The following STK10 variants were observed in gnomAD, a reference collection of about 807,000 sequenced individuals.
STK10 encodes the protein serine/threonine kinase 10, also known as serine/threonine-protein kinase 10.
A neutral mutation model predicts 113.8 loss-of-function variants in STK10; 78 were observed. The observed-to-expected ratio is 0.69, with a 90% confidence interval of 0.57 to 0.83. The LOEUF (loss-of-function observed/expected upper bound fraction) is 0.83. Ranked by LOEUF, STK10 falls within the 40% of genes least tolerant of loss-of-function variation. The pLI, the probability that STK10 is intolerant of heterozygous loss-of-function variation, is 0.00. For missense variants in STK10, 1,109 were observed against 1,280.1 expected (o/e 0.87, Z 2.04); for synonymous variants, 465 against 494.7 (o/e 0.94, Z 0.80).
intron 1 of STK10, among the ~76,000 whole-genome samples, chr5:172,180,248 G>C (rs1341477465): frequency 1.3e-5 from 2 of 152,184 alleles, no homozygotes; most frequent in African/African-American, 2.4e-5. Flanking sequence ...CAGATCACCA[G>C]AAGTCAGGAG....
At chr5:172,112,225 AATG>A (rs1206983262) in intron 4 of STK10, among the ~76,000 whole-genome samples, 6 of 152,200 alleles carry the variant, frequency 3.9e-5, no homozygotes. Flanking sequence ...TGATTCCAGA[AATG>A]ATCCAAGTGC....
chr5:172,078,977 ACACG>A (rs933860378), intron 12 of STK10, among the ~76,000 whole-genome samples: 5 of 149,590 alleles, frequency 3.3e-5, no homozygotes, highest in Non-Finnish European at 5.9e-5. Flanking sequence ...ACACACACAC[ACACG>A]GTGTGCACAT....
chr5:172,156,757 GCAGC>G lies in STK10; in HGVS notation c.184_187del (p.Ala62ArgfsTer32), dbSNP rs756749159. 6.2e-7 allele frequency: 1 copy of G among 1,613,850 alleles called. No homozygotes were observed. The highest frequency in any genetic ancestry group is 8.5e-7 in the Non-Finnish European group (1 of 1,179,818). On this transcript the variant is annotated frameshift_variant, in exon 2 of 19. Coordinates refer to ENST00000176763, the MANE Select transcript of STK10 (RefSeq NM_005990.4). LOFTEE classifies it high-confidence loss of function. The stretch of plus-strand genomic sequence containing the variant: ...ACTCTTGGTTTCAATGACTTTGGCC[GCAGC>G]CAAAGCACCCGTCTCCTTATTCTTG...
chr5:172,159,477 G>C (rs1056973049), intron 1 of STK10, among the ~76,000 whole-genome samples: 7 of 152,172 alleles, frequency 4.6e-5, no homozygotes, highest in African/African-American at 1.7e-4. Flanking sequence ...AGGAGACGGA[G>C]GCTGCAGTGA....
chr5:172,173,550 C>T (rs572039056), intron 1 of STK10, among the ~76,000 whole-genome samples: 1 of 152,204 alleles, frequency 6.6e-6, no homozygotes, highest in Non-Finnish European at 1.5e-5. Flanking sequence ...GGGGCAGGCA[C>T]GGAGCTGAGA....
rs772277320 is a variant in STK10, at chr5:172,061,279, AGAG to A, written c.2083-14_2083-12del. ...TACAAAGTCCCGGTCCTGTGGGGAGAGAGGAGGACAGGCCTTTATCCAGAGCCG... is the reference window on the plus strand; with the variant it reads ...TACAAAGTCCCGGTCCTGTGGGGAGAGAGGACAGGCCTTTATCCAGAGCCG... On this transcript the variant is annotated splice_polypyrimidine_tract_variant and intron_variant, in intron 13 of 18. Transcript: ENST00000176763. 1.9e-6 allele frequency: 3 copies of A among 1,606,932 alleles called. No homozygotes were observed. The highest frequency in any genetic ancestry group is 2.7e-5 in the African/African-American group (2 of 74,316).
chr5:172,123,520 C>G (rs1483166661), intron 3 of STK10, among the ~76,000 whole-genome samples: 1 of 152,170 alleles, frequency 6.6e-6, no homozygotes, highest in Non-Finnish European at 1.5e-5. Context: ...TCCCCTCCAG[C>G]TAAGCTCATT....
chr5:172,139,856 C>T (rs1486437308), intron 2 of STK10, among the ~76,000 whole-genome samples: 1 of 143,134 alleles, frequency 7.0e-6, no homozygotes. Context: ...TTCCTAACAT[C>T]GATCTTGGCA....
At chr5:172,111,060 C>G (rs1434396168) in intron 4 of STK10, among the ~76,000 whole-genome samples, 1 of 152,094 alleles carries the variant, frequency 6.6e-6, no homozygotes, top group Non-Finnish European at 1.5e-5. Context: ...GAAGTGGGAC[C>G]AACAGGTGCT....
chr5:172,170,514 G>T (rs1209268883), intron 1 of STK10, among the ~76,000 whole-genome samples: 1 of 152,184 alleles, frequency 6.6e-6, no homozygotes, highest in African/African-American at 2.4e-5. Flanking sequence ...CCCAAAAGCA[G>T]AATGACGTGG....
At chr5:172,138,420 C>T (rs923309117) in intron 2 of STK10, among the ~76,000 whole-genome samples, 8 of 152,162 alleles carry the variant, frequency 5.3e-5, no homozygotes, top group Admixed American at 3.9e-4. Flanking sequence ...CTGCGCCCAG[C>T]CAATAAAATT....
intron 4 of STK10, among the ~76,000 whole-genome samples, chr5:172,109,858 A>T (rs530845839): frequency 1.2e-3 from 178 of 152,298 alleles, no homozygotes; most frequent in Middle Eastern, 6.8e-3. Context: ...CTGCCTTTGG[A>T]CGATTCATCC....
At chr5:172,057,313 C>A in intron 15 of STK10, 36 bp downstream of exon 15, 1 of 1,571,792 alleles carries the variant, frequency 6.4e-7, no homozygotes, top group Non-Finnish European at 8.6e-7. Context: ...GTCGGCCCGG[C>A]AGCAGATCCG....
At chr5:172,091,710 T>C (rs890927462) in intron 9 of STK10, among the ~76,000 whole-genome samples, 1 of 152,084 alleles carries the variant, frequency 6.6e-6, no homozygotes, top group Non-Finnish European at 1.5e-5. Context: ...TTTTAATTTT[T>C]TTAAGTAGAG....
At chr5:172,104,330 C>A (rs890341288) in intron 7 of STK10, among the ~76,000 whole-genome samples, 14 of 152,192 alleles carry the variant, frequency 9.2e-5, no homozygotes, top group African/African-American at 3.4e-4. Context: ...TGTGCACAGC[C>A]CTCAGAACAC....
At chr5:172,046,545 T>C (rs560350321) in intron 18 of STK10, among the ~76,000 whole-genome samples, 1 of 152,276 alleles carries the variant, frequency 6.6e-6, no homozygotes, top group South Asian at 2.1e-4. Context: ...TCACAACTAG[T>C]AATGGAGGAG....
In STK10 at chr5:172,054,687, T is replaced by C; in HGVS notation, c.2534A>G (p.Gln845Arg). Residue 845 changes from glutamine to arginine, a missense_variant, in exon 17 of 19, where the codon CAG becomes CGG. Physicochemically the swap from Gln to Arg is conservative, Grantham distance 43. Around this residue, in one of 5 missense-constraint regions of STK10, gnomAD observed 885 missense variants for 991.1 expected, o/e 0.89. Coordinates refer to ENST00000176763, the MANE Select transcript of STK10 (RefSeq NM_005990.4). ...EQREKIKQFS[Q>R]QEEKRQKSER... ...CGACTTCTGCCTCTTCTCCTCCTGC[T>C]GGGAGAACTGCACCAGAGAGAGGGT... is the stretch of plus-strand genomic sequence containing the variant. 2 of 1,609,450 alleles carry C rather than the reference T, an allele frequency of 1.2e-6. No homozygotes were observed. The highest frequency in any genetic ancestry group is 1.7e-6 in the Non-Finnish European group (2 of 1,179,982).
At chr5:172,146,317 T>C (rs780169821) in intron 2 of STK10, among the ~76,000 whole-genome samples, 2 of 152,136 alleles carry the variant, frequency 1.3e-5, no homozygotes, top group Non-Finnish European at 2.9e-5. Flanking sequence ...CATGAGATCA[T>C]GCATGTGGAA....
At chr5:172,049,001 C>T (rs574141136) in intron 18 of STK10, among the ~76,000 whole-genome samples, 3 of 152,276 alleles carry the variant, frequency 2.0e-5, no homozygotes, top group Non-Finnish European at 4.4e-5. Flanking sequence ...CTCCCTCCCT[C>T]AGGTCCTTCA....
Sources: allele counts gnomAD v4.1 joint callset (sites outside exome capture counted in the v4.1 genomes callset), GRCh38; gene constraint gnomAD v4.1.1; regional missense constraint gnomAD v4.1.1; transcripts MANE v1.5; gene names NCBI Gene and HGNC (gene_info 2026-07-23, HGNC 2026-07-21).